Variants in NF2 observed in about 807,000 individuals in gnomAD.
NF2 encodes the protein merlin.
NF2 carries 8 observed loss-of-function variants against 83.7 expected under a neutral mutation model. The observed-to-expected ratio is 0.10, with a 90% CI of 0.06 to 0.17. The LOEUF is 0.17. Among genes scored for constraint, NF2 ranks in the 10% least tolerant of loss-of-function variants. NF2 has a pLI of 1.00. For synonymous variants in NF2, 266 were observed against 269.6 expected (o/e 0.99, Z 0.13); for missense variants, 533 against 744.4 (o/e 0.72, Z 3.31).
At chr22:29,645,159 A>G (rs1217024495) in intron 4 of NF2, among the ~76,000 whole-genome samples, 2 of 152,230 alleles carry the variant, frequency 1.3e-5, no homozygotes, top group Non-Finnish European at 1.5e-5. Flanking sequence ...AAAAAAGGCT[A>G]TACATGCTAG....
chr22:29,692,012 G>T (rs2067419206), intron 15 of NF2, among the ~76,000 whole-genome samples: 1 of 152,216 alleles, frequency 6.6e-6, no homozygotes, highest in Non-Finnish European at 1.5e-5. Flanking sequence ...CTGACTCCGG[G>T]GCTCCTGTGG....
At position 29,696,518 on chromosome 22, in the gene NF2, G is replaced by A. The variant is rs2067557058; in HGVS notation, c.*1716G>A. ...AGGTGGTCTCTGGCAATTCCATCTG[G>A]TTTTGAGAAACTTAGCAGCTCACAG... On this transcript the variant is annotated 3_prime_UTR_variant, in exon 16 of 16. Transcript: ENST00000338641. 1 of 218,424 alleles carries A rather than the reference G, an allele frequency of 4.6e-6. No homozygotes were observed. Among genetic ancestry groups the A allele is most frequent in the East Asian group, 6.7e-5 (1 of 14,978 alleles). 13.5% of individuals were successfully genotyped at this position (218,424 alleles called of 1,614,324 possible). A position where few individuals can be genotyped will look rare whatever the true frequency, so the allele number is the denominator to read the frequency against.
chr22:29,681,596 A>G lies in NF2; in HGVS notation c.1732A>G (p.Lys578Glu), dbSNP rs2147123687. 1 of 1,613,872 alleles carries G rather than the reference A, an allele frequency of 6.2e-7. No homozygotes were observed. Residue 578 changes from lysine to glutamate, a missense_variant, in exon 15 of 16, where the codon AAA (lysine) becomes GAA (glutamate). Lys to Glu is a moderately conservative substitution (Grantham distance 56). This residue lies in a region of NF2 where 199 missense variants were observed against 240.7 expected (regional missense o/e 0.83). Transcript: ENST00000338641. ...TGGCAGCAGCAAGCACAATACCATT[A>G]AAAAGGTACCCAGGGTCTCTTTCTT... ...RGGSSKHNTI[K>E]KLTLQSAKSR...
chr22:29,618,834 G>A (rs571823576), intron 1 of NF2, among the ~76,000 whole-genome samples: 1 of 152,272 alleles, frequency 6.6e-6, no homozygotes, highest in East Asian at 1.9e-4. Context: ...GACGTAAGTT[G>A]TCCATAACAG....
At chr22:29,683,506 C>G in intron 15 of NF2, 10 of 1,140,328 alleles carry the variant, frequency 8.8e-6, no homozygotes, top group Non-Finnish European at 1.1e-5. Context: ...TCTCAAGACC[C>G]ATGGTCACAC....
In NF2 at chr22:29,673,217, G is replaced by A. The variant is rs774817162; in HGVS notation, c.1123-52G>A. The A allele has an allele frequency of 1.2e-4, 190 of 1,537,128 alleles. 2 individuals are homozygous for A. The highest frequency in any genetic ancestry group is 1.6e-4 in the Non-Finnish European group (183 of 1,134,520). On this transcript the variant is annotated intron_variant, in intron 11 of 15. Transcript: ENST00000338641. ...ATCTCAGTGTTCAAGGCAGATCTGG[G>A]CGGGAGAACAGCACATGATCCCACT... is the stretch of plus-strand genomic sequence containing the variant.
At chr22:29,605,012 ACT>A (rs2064748268) in intron 1 of NF2, among the ~76,000 whole-genome samples, 1 of 151,942 alleles carries the variant, frequency 6.6e-6, no homozygotes, top group African/African-American at 2.4e-5. Context: ...ACAGAATCTC[ACT>A]CTGTCACCGA....
chr22:29,685,948 G>T (rs1024003794), intron 15 of NF2, among the ~76,000 whole-genome samples: 11 of 149,270 alleles, frequency 7.4e-5, no homozygotes, highest in Admixed American at 1.3e-4. Flanking sequence ...TTACTCGCTC[G>T]CTCTCTCTTT....
chr22:29,670,094 G>A (rs141506257), intron 10 of NF2, among the ~76,000 whole-genome samples: 1 of 151,996 alleles, frequency 6.6e-6, no homozygotes, highest in Non-Finnish European at 1.5e-5. Context: ...AAGCTCCTGG[G>A]CTTGAGCAAT....
At chr22:29,693,063 C>T (rs1253396219) in intron 15 of NF2, among the ~76,000 whole-genome samples, 1 of 152,206 alleles carries the variant, frequency 6.6e-6, no homozygotes, top group African/African-American at 2.4e-5. Context: ...ATACTGGGCT[C>T]ACATGCTTTC....
At chr22:29,606,444 G>A (rs2146675885) in intron 1 of NF2, among the ~76,000 whole-genome samples, 1 of 152,354 alleles carries the variant, frequency 6.6e-6, no homozygotes, top group South Asian at 2.1e-4. Flanking sequence ...GTATTTCTCA[G>A]AGAGAATCTT....
rs2147091632 is a variant in NF2 at position 29,674,818 on chromosome 22, C to T, written c.1341-18C>T. The T allele has an allele frequency of 1.3e-6, 2 of 1,551,256 alleles. No individual in the cohort carries two copies. Among genetic ancestry groups the T allele is most frequent in the Non-Finnish European group, 1.7e-6 (2 of 1,146,242 alleles). On this transcript the variant is annotated intron_variant, in intron 12 of 15. Coordinates refer to ENST00000338641, the MANE Select transcript of NF2 (RefSeq NM_000268.4). The stretch of plus-strand genomic sequence containing the variant: ...CTGCCCTCTTCTGTGAAGCTGACAT[C>T]TCATCCTTTCCTTGCAGGGCCAAAG...
intron 1 of NF2, among the ~76,000 whole-genome samples, chr22:29,622,077 C>G (rs552259455): frequency 2.9e-4 from 44 of 152,220 alleles, no homozygotes; most frequent in Admixed American, 1.0e-3. Context: ...AGTTAGAAAC[C>G]TGGAGAGAAC....
intron 1 of NF2, among the ~76,000 whole-genome samples, chr22:29,620,896 A>G (rs1385796959): frequency 6.6e-6 from 1 of 152,088 alleles, no homozygotes; most frequent in African/African-American, 2.4e-5. Flanking sequence ...CAGGCAGGGA[A>G]CACCTCCTAG....
At chr22:29,683,129 A>G in intron 15 of NF2, 2 of 1,614,132 alleles carry the variant, frequency 1.2e-6, no homozygotes, top group East Asian at 4.5e-5. Context: ...TAACCCGTGC[A>G]TGAGCTTGCC....
intron 1 of NF2, among the ~76,000 whole-genome samples, chr22:29,606,428 G>C (rs1229208239): frequency 6.6e-6 from 1 of 152,256 alleles, no homozygotes; most frequent in Non-Finnish European, 1.5e-5. Context: ...AGTTCCTAGA[G>C]TGAGGGTATT....
intron 11 of NF2, 38 bp from the exon 12 acceptor site, chr22:29,673,231 C>T: frequency 6.5e-7 from 1 of 1,548,238 alleles, no homozygotes; most frequent in East Asian, 2.4e-5. Flanking sequence ...GAGAACAGCA[C>T]ATGATCCCAC....
At chr22:29,654,507 A>T in intron 4 of NF2, 150 bp from the exon 5 acceptor site, 1 of 727,798 alleles carries the variant, frequency 1.4e-6, no homozygotes, top group Non-Finnish European at 2.5e-6. Context: ...TCATTCAAGG[A>T]TAACAAACTA....
At chr22:29,645,269 G>A (rs945536768) in intron 4 of NF2, among the ~76,000 whole-genome samples, 1 of 152,122 alleles carries the variant, frequency 6.6e-6, no homozygotes, top group East Asian at 1.9e-4. Context: ...GAGCATGAGA[G>A]TTGTTGACCA....
Sources: allele counts gnomAD v4.1 joint callset (sites outside exome capture counted in the v4.1 genomes callset), GRCh38; gene constraint gnomAD v4.1.1; regional missense constraint gnomAD v4.1.1; transcripts MANE v1.5; gene names NCBI Gene and HGNC (gene_info 2026-07-23, HGNC 2026-07-21).